The following ANK3 variants were observed in gnomAD, a reference collection of about 807,000 sequenced individuals.
ANK3 encodes the protein ankyrin-3.
A neutral mutation model predicts 370.9 loss-of-function variants in ANK3; 57 were observed. That is an observed-to-expected ratio of 0.15 (90% CI 0.12 to 0.19). ANK3 has a LOEUF of 0.19. Among genes scored for constraint, ANK3 ranks in the 10% least tolerant of loss-of-function variants. The pLI is 1.00. For missense variants in ANK3, 4,439 were observed against 5,302.1 expected (o/e 0.84, Z 5.06); for synonymous variants, 1,929 against 1,946.3 (o/e 0.99, Z 0.23).
intron 2 of ANK3, among the ~76,000 whole-genome samples, chr10:60,531,467 G>A (rs1180500270): frequency 6.6e-6 from 1 of 151,968 alleles, no homozygotes; most frequent in African/African-American, 2.4e-5. Flanking sequence ...AAAATCAGTG[G>A]CTGTGGGCCA....
intron 23 of ANK3, among the ~76,000 whole-genome samples, chr10:60,157,037 A>ATTT (rs2095350441): frequency 1.2e-5 from 1 of 81,096 alleles, no homozygotes; most frequent in African/African-American, 4.8e-5. Flanking sequence ...AGCTCAATGA[A>ATTT]TCTTTTTTTT....
chr10:60,343,531 G>T (rs1188129461), intron 1 of ANK3, among the ~76,000 whole-genome samples: 2 of 152,140 alleles, frequency 1.3e-5, no homozygotes, highest in Admixed American at 6.5e-5. Flanking sequence ...CTCAAAGCAG[G>T]TTGCAATAAA....
In ANK3 at chr10:60,380,951, G is replaced by A. The variant is rs1360616924; in HGVS notation, c.114+8474C>T. Among the ~76,000 whole-genome samples the A allele has an allele frequency of 6.6e-5, 10 of 152,100 alleles. No homozygotes were observed. The South Asian group carries it at 1.0e-3, about 16-fold the overall frequency. ...GATCGCAGGGAGAAGGGAATCCGCC[G>A]ATAAAGGAAGACAGCCACTGGGCCA... On this transcript the variant is annotated intron_variant, in intron 1 of 43. Coordinates refer to ENST00000280772, the MANE Select transcript of ANK3 (RefSeq NM_020987.5).
chr10:60,212,604 T>A (rs1041513327), intron 9 of ANK3, among the ~76,000 whole-genome samples: 1 of 152,118 alleles, frequency 6.6e-6, no homozygotes, highest in South Asian at 2.1e-4. Context: ...TTTAAATGAG[T>A]GATGGAATTG....
intron 2 of ANK3, among the ~76,000 whole-genome samples, chr10:60,613,721 A>G (rs1438221033): frequency 1.3e-4 from 19 of 151,950 alleles, no homozygotes; most frequent in Non-Finnish European, 2.6e-4. Flanking sequence ...CCTTCATGAA[A>G]AAAACCAGCA....
rs1352232837 is a variant in ANK3, at chr10:60,072,458, T to A, written c.8423A>T (p.Asn2808Ile). Residue 2808 changes from asparagine to isoleucine, a missense_variant, in exon 37 of 44, where the codon AAT (asparagine) becomes ATT (isoleucine). Coordinates refer to ENST00000280772, the MANE Select transcript of ANK3 (RefSeq NM_020987.5). Reference protein sequence around the residue: ...EIVVNDSGSDNVKKQRTEMSS... With the variant: ...EIVVNDSGSDIVKKQRTEMSS... ...CATTTCAGTTCTCTGTTTTTTCACATTATCAGAGCCAGAATCATTTACAAC... is the reference window on the plus strand; with the variant it reads ...CATTTCAGTTCTCTGTTTTTTCACAATATCAGAGCCAGAATCATTTACAAC... 1.9e-6 allele frequency: 3 copies of A among 1,614,098 alleles called. No homozygotes were observed. The highest frequency in any genetic ancestry group is 2.5e-6 in the Non-Finnish European group (3 of 1,180,020).
intron 2 of ANK3, among the ~76,000 whole-genome samples, chr10:60,505,804 C>A (rs1003581604): frequency 1.3e-5 from 2 of 151,856 alleles, no homozygotes; most frequent in Non-Finnish European, 2.9e-5. Flanking sequence ...TTAAAAAGCT[C>A]TTTTTTTTGA....
intron 1 of ANK3, among the ~76,000 whole-genome samples, chr10:60,707,126 A>G (rs2079631885): frequency 6.6e-6 from 1 of 152,216 alleles, no homozygotes; most frequent in Non-Finnish European, 1.5e-5. Context: ...TTAAAAAACC[A>G]ACAATCGAAC....
chr10:60,148,012 C>A (rs1421057061), intron 23 of ANK3, among the ~76,000 whole-genome samples: 1 of 152,110 alleles, frequency 6.6e-6, no homozygotes, highest in East Asian at 1.9e-4. Context: ...ATTAAGAAGG[C>A]CAAAGAAGCG....
At chr10:60,052,463 A>G (rs1020148835) in intron 42 of ANK3, among the ~76,000 whole-genome samples, 1 of 152,276 alleles carries the variant, frequency 6.6e-6, no homozygotes, top group Non-Finnish European at 1.5e-5. Context: ...ATGAAGGAAT[A>G]AATGTATGAA....
chr10:60,292,649 G>T (rs1170544369), intron 1 of ANK3, among the ~76,000 whole-genome samples: 1 of 150,760 alleles, frequency 6.6e-6, no homozygotes, highest in Non-Finnish European at 1.5e-5. Flanking sequence ...TTTTTCATTT[G>T]TTTGGGAGAA....
At chr10:60,141,840 C>T (rs1186512886) in intron 23 of ANK3, among the ~76,000 whole-genome samples, 1 of 151,950 alleles carries the variant, frequency 6.6e-6, no homozygotes, top group Non-Finnish European at 1.5e-5. Flanking sequence ...TGCTATGACA[C>T]CTGGTGCTTT....
intron 4 of ANK3, among the ~76,000 whole-genome samples, chr10:60,273,844 T>C (rs4638263): frequency 0.05 from 7,689 of 152,270 alleles, 661 homozygotes; most frequent in African/African-American, 0.17. Context: ...TGCCACCATG[T>C]AAAATGTGAC....
chr10:60,232,052 T>C (rs902188333), intron 8 of ANK3, among the ~76,000 whole-genome samples: 7 of 152,214 alleles, frequency 4.6e-5, no homozygotes, highest in Admixed American at 2.0e-4. Flanking sequence ...GAGGAATTTG[T>C]ATGTTTTTCT....
At chr10:60,672,772 A>G (rs565271335) in intron 1 of ANK3, among the ~76,000 whole-genome samples, 21 of 152,312 alleles carry the variant, frequency 1.4e-4, no homozygotes, top group South Asian at 4.1e-4. Flanking sequence ...ACAATCTACT[A>G]TCTGTGATTG....
intron 2 of ANK3, among the ~76,000 whole-genome samples, chr10:60,398,035 C>T (rs1026668002): frequency 6.6e-6 from 1 of 152,066 alleles, no homozygotes; most frequent in African/African-American, 2.4e-5. Flanking sequence ...TTGTAAAGGG[C>T]CAGAGAGTAA....
At chr10:60,184,643 T>C (rs2096279805) in intron 17 of ANK3, among the ~76,000 whole-genome samples, 1 of 152,182 alleles carries the variant, frequency 6.6e-6, no homozygotes, top group African/African-American at 2.4e-5. Flanking sequence ...GAATTCCTTT[T>C]GTTAATTTCC....
Position 60,080,572 on chromosome 10 carries a change from C to T in ANK3, c.4397G>A (p.Arg1466His), listed in dbSNP as rs751656963. The change falls in exon 36 of 44, where the codon CGT becomes CAT. Residue 1466 changes from arginine to histidine, a missense_variant. By Grantham distance (29) the Arg-to-His change is conservative (BLOSUM62 0). Coordinates refer to ENST00000280772, the MANE Select transcript of ANK3 (RefSeq NM_020987.5). ...RRQSFASLAL[R>H]KRYSYLTEPG... Reference sequence around the variant, plus strand: ...CTCAGTCAAGTAGCTGTAGCGCTTACGTAAAGCTAAGGATGCGAAGCTCTG... The same window carrying T: ...CTCAGTCAAGTAGCTGTAGCGCTTATGTAAAGCTAAGGATGCGAAGCTCTG... The T allele has an allele frequency of 8.1e-6, 13 of 1,610,892 alleles. No homozygotes were observed. The highest frequency in any genetic ancestry group is 3.4e-5 in the Admixed American group (2 of 59,538).
In ANK3 at chr10:60,677,394, C is replaced by T. The variant is rs117236224; in HGVS notation, c.57+55869G>A. 9.1e-4 allele frequency among the ~76,000 whole-genome samples: 139 copies of T among 152,230 alleles called. 3 individuals carry two copies. The East Asian group carries it at 0.023, about 26-fold the overall frequency. ...TCTAGATTTAAATCAGTACATGCTA[C>T]TGCCCAGAGATATTAGTCTTACAAT... On this transcript the variant is annotated intron_variant, in intron 1 of 43. Transcript: ENST00000373827.
Sources: allele counts gnomAD v4.1 joint callset (sites outside exome capture counted in the v4.1 genomes callset), GRCh38; gene constraint gnomAD v4.1.1; transcripts MANE v1.5; gene names NCBI Gene and HGNC (gene_info 2026-07-23, HGNC 2026-07-21).